The following CSMD2 variants were observed in gnomAD, a reference collection of about 807,000 sequenced individuals.
CSMD2 encodes the protein CUB and sushi domain-containing protein 2.
CSMD2 carries 130 observed loss-of-function variants against 398.5 expected under a neutral mutation model. That is an observed-to-expected ratio of 0.33 (90% CI 0.28 to 0.38). The LOEUF (loss-of-function observed/expected upper bound fraction) is 0.38, where lower values mean the gene tolerates loss of function less well. CSMD2 is among the 10% of genes least tolerant of loss of function. CSMD2 has a pLI of 1.00. For synonymous variants in CSMD2, 1,828 were observed against 1,908.5 expected, an observed-to-expected ratio of 0.96 and a Z score of 1.10; for missense variants, 3,829 against 4,764.9, an observed-to-expected ratio of 0.80 and a Z score of 5.78.
intron 2 of CSMD2, among the ~76,000 whole-genome samples, chr1:34,043,160 G>A (rs1401807941): frequency 2.6e-5 from 4 of 152,088 alleles, no homozygotes; most frequent in Admixed American, 1.3e-4. Context: ...TCCTGACCTC[G>A]TGATCCACCT....
rs751874088 is a variant in CSMD2 at position 33,635,220 on chromosome 1, C to T, written c.5080G>A (p.Asp1694Asn). 1.2e-6 allele frequency: 2 copies of T among 1,605,018 alleles called. No individual in the cohort carries two copies. Among genetic ancestry groups the T allele is most frequent in the Admixed American group, 1.7e-5 (1 of 59,934 alleles). Residue 1694 changes from aspartate to asparagine, a missense_variant, in exon 31 of 71, where the codon GAC becomes AAC. Transcript: ENST00000373381. The surrounding 1 kb of genome is among the most constrained non-coding windows in gnomAD (Gnocchi z 5.0). ...CAACAACCAAAACCCATACCATAGT[C>T]CTTGGGCACAGTAACAAAATACAAG... ...ICLYFVTVPK[D>N]YVVFGQFAFF...
intron 4 of CSMD2, among the ~76,000 whole-genome samples, chr1:33,925,708 G>C (rs1426060462): frequency 6.6e-6 from 1 of 151,978 alleles, no homozygotes; most frequent in Admixed American, 6.6e-5. Flanking sequence ...CTCTCTGTTG[G>C]AACCATCAAT....
intron 6 of CSMD2, among the ~76,000 whole-genome samples, chr1:33,832,389 GAAC>G (rs1570172175): frequency 8.5e-6 from 1 of 117,898 alleles, no homozygotes; most frequent in East Asian, 2.7e-4. Flanking sequence ...CGTGGAAACT[GAAC>G]AACCTGCACT....
intron 6 of CSMD2, among the ~76,000 whole-genome samples, chr1:33,844,226 T>C (rs1361203496): frequency 1.3e-5 from 2 of 152,184 alleles, no homozygotes; most frequent in Non-Finnish European, 2.9e-5. Context: ...GAGGTGCTTG[T>C]GCACATAGGG....
At chr1:33,806,822 A>T (rs1186747878) in intron 10 of CSMD2, among the ~76,000 whole-genome samples, 2 of 152,218 alleles carry the variant, frequency 1.3e-5, no homozygotes, top group Non-Finnish European at 2.9e-5. Context: ...AGCTGAACAG[A>T]GAATTAGTGA....
chr1:34,086,729 C>T (rs988658543), intron 2 of CSMD2, among the ~76,000 whole-genome samples: 2 of 152,174 alleles, frequency 1.3e-5, no homozygotes, highest in Non-Finnish European at 2.9e-5. Context: ...CAGCCTCACC[C>T]CTTTCACTCC....
chr1:34,140,645 G>A (rs922492), intron 1 of CSMD2, among the ~76,000 whole-genome samples: 109,868 of 152,020 alleles, frequency 0.72, 42,256 homozygotes, highest in Non-Finnish European at 0.85. Flanking sequence ...TTAGAGATGG[G>A]GAACTGAGGC....
chr1:34,050,331 A>G (rs1461811919), intron 2 of CSMD2, among the ~76,000 whole-genome samples: 2 of 152,226 alleles, frequency 1.3e-5, no homozygotes, highest in South Asian at 2.1e-4. Flanking sequence ...CTTTCCCTGT[A>G]TGCAGTGCTT....
At chr1:33,763,357 A>C (rs947618624) in intron 13 of CSMD2, among the ~76,000 whole-genome samples, 1 of 152,162 alleles carries the variant, frequency 6.6e-6, no homozygotes, top group Non-Finnish European at 1.5e-5. Flanking sequence ...GTTTTTTAGA[A>C]CTACAATTCC....
intron 2 of CSMD2, among the ~76,000 whole-genome samples, chr1:34,081,863 C>T (rs113803574): frequency 6.6e-6 from 1 of 151,872 alleles, no homozygotes; most frequent in Admixed American, 6.6e-5. Flanking sequence ...GGCTGCCCAT[C>T]GTCTGGGATG....
chr1:33,604,248 C>T (rs1640430810), intron 42 of CSMD2, among the ~76,000 whole-genome samples: 1 of 152,136 alleles, frequency 6.6e-6, no homozygotes, highest in Admixed American at 6.5e-5. Context: ...ACGTGATGGG[C>T]CAACAATTGC....
intron 3 of CSMD2, among the ~76,000 whole-genome samples, chr1:34,004,463 T>G (rs543464742): frequency 1.5e-3 from 233 of 152,250 alleles, no homozygotes; most frequent in Non-Finnish European, 1.9e-3. Flanking sequence ...CAAGGTTTTT[T>G]TTTGTTTGTT....
chr1:33,983,267 G>A (rs955614327), intron 3 of CSMD2, among the ~76,000 whole-genome samples: 3 of 152,180 alleles, frequency 2.0e-5, no homozygotes, highest in Admixed American at 1.3e-4. Context: ...CTTAGCAGAT[G>A]CCAAGAACTT....
chr1:33,816,077 T>G (rs1215306140), intron 9 of CSMD2, among the ~76,000 whole-genome samples: 1 of 152,112 alleles, frequency 6.6e-6, no homozygotes, highest in African/African-American at 2.4e-5. Flanking sequence ...CTTTTACAGA[T>G]GAGGAAAAAG....
intron 22 of CSMD2, among the ~76,000 whole-genome samples, chr1:33,703,895 C>T (rs183661534): frequency 6.6e-6 from 1 of 152,266 alleles, no homozygotes; most frequent in African/African-American, 2.4e-5. Context: ...TGGTATCTCA[C>T]TTTAATATGT....
intron 27 of CSMD2, among the ~76,000 whole-genome samples, chr1:33,655,820 G>A (rs1643928997): frequency 6.6e-6 from 1 of 152,172 alleles, no homozygotes; most frequent in Non-Finnish European, 1.5e-5. Context: ...GTTGCCTGAG[G>A]AACATTTCCC....
intron 24 of CSMD2, among the ~76,000 whole-genome samples, chr1:33,698,167 C>T (rs558896713): frequency 6.6e-6 from 1 of 152,202 alleles, no homozygotes; most frequent in Non-Finnish European, 1.5e-5. Context: ...TCCTGTGACA[C>T]ATGTGTAAAG....
intron 5 of CSMD2, among the ~76,000 whole-genome samples, chr1:33,886,223 G>A (rs924745543): frequency 1.1e-4 from 17 of 152,166 alleles, no homozygotes; most frequent in African/African-American, 3.6e-4. Context: ...AGAGTTTTCA[G>A]CAAGGAAACA....
At chr1:33,853,284 A>G (rs12075604) in intron 5 of CSMD2, among the ~76,000 whole-genome samples, 23,943 of 152,168 alleles carry the variant, frequency 0.16, 2,709 homozygotes, top group African/African-American at 0.32. Flanking sequence ...AGCACCTACT[A>G]TGTGCCAGAA....
Sources: allele counts gnomAD v4.1 joint callset (sites outside exome capture counted in the v4.1 genomes callset), GRCh38; gene constraint gnomAD v4.1.1; non-coding constraint Gnocchi (gnomAD v3.1); transcripts MANE v1.5; gene names NCBI Gene and HGNC (gene_info 2026-07-23, HGNC 2026-07-21).